CILP2: variants seen among roughly 807,000 people sequenced by gnomAD.
CILP2 encodes cartilage intermediate layer protein 2.
A neutral mutation model predicts 45.6 loss-of-function variants in CILP2; 38 were observed. The observed-to-expected ratio is 0.83, with a 90% confidence interval of 0.64 to 1.09. The LOEUF is 1.09. CILP2 is among the 50% of genes least tolerant of loss of function. CILP2 has a pLI of 0.00. For synonymous variants in CILP2, 780 were observed against 723.5 expected, an observed-to-expected ratio of 1.08 and a Z score of -1.25; for missense variants, 1,735 against 1,662.2, an observed-to-expected ratio of 1.04 and a Z score of -0.76.
chr19:19,544,027 G>C lies in CILP2; in HGVS notation c.1482G>C (p.Leu494=), dbSNP rs1486361959. ...AGCCGCTACGCTTCGCCAGGATTCT[G>C]CTGGGCCAGGAGCCCATCGGCTTCA... ...SGEPLRFARI[L]LGQEPIGFTA... is the part of the protein sequence containing the mutation. Residue 494 remains leucine, a synonymous_variant, in exon 8 of 8, where the codon CTG becomes CTC. Transcript: ENST00000291495. 1 of 1,613,858 alleles carries C rather than the reference G, an allele frequency of 6.2e-7. No homozygotes were observed. The highest frequency in any genetic ancestry group is 8.5e-7 in the Non-Finnish European group (1 of 1,179,928).
intron 2 of CILP2, 134 bp downstream of exon 2, chr19:19,539,911 C>A: frequency 1.3e-6 from 1 of 760,380 alleles, no homozygotes; most frequent in Non-Finnish European, 2.0e-6. Context: ...CCGGACATGA[C>A]AGCCCCTGGA....
In CILP2 at chr19:19,545,321, C is replaced by T. The variant is rs1443544535; in HGVS notation, c.2776C>T (p.Leu926Phe). 1.2e-6 allele frequency: 2 copies of T among 1,612,576 alleles called. No individual in the cohort carries two copies. The highest frequency in any genetic ancestry group is 2.7e-5 in the African/African-American group (2 of 74,934). ...CACACCTGCCTCCTGGACTGGCGAT[C>T]TCCTGGCCTGGTGGCCCAACCCGCA... ...EGTPASWTGD[L>F]LAWWPNPQEF... The change falls in exon 8 of 8, where the codon CTC becomes TTC. Residue 926 changes from leucine to phenylalanine, a missense_variant. Transcript: ENST00000291495.
At position 19,544,883 on chromosome 19, in the gene CILP2, C is replaced by T. The variant is rs2144679745; in HGVS notation, c.2338C>T (p.Arg780Cys). 1 of 1,589,824 alleles carries T rather than the reference C, an allele frequency of 6.3e-7. No individual in the cohort carries two copies. The highest frequency in any genetic ancestry group is 1.3e-5 in the African/African-American group (1 of 74,590). The change falls in exon 8 of 8, where the codon CGC becomes TGC. Residue 780 changes from arginine to cysteine, a missense_variant. By Grantham distance (180) the Arg-to-Cys change is radical. Transcript: ENST00000291495. The part of the protein sequence containing the change: ...GFSANPRAWG[R>C]FDSAVTGPNG... ...CTCCGCCAACCCCCGTGCCTGGGGCCGCTTTGACAGCGCGGTCACCGGCCC... is the reference window on the plus strand; with the variant it reads ...CTCCGCCAACCCCCGTGCCTGGGGCTGCTTTGACAGCGCGGTCACCGGCCC...
chr19:19,540,221 T>A lies in CILP2; in HGVS notation c.181T>A (p.Ser61Thr). The A allele has an allele frequency of 3.1e-6, 5 of 1,594,658 alleles. No homozygotes were observed. Among genetic ancestry groups the A allele is most frequent in the Non-Finnish European group, 4.3e-6 (5 of 1,173,582 alleles). The change falls in exon 3 of 8, where the codon TCC (serine) becomes ACC (threonine). Residue 61 changes from serine (S) to threonine (T), a missense_variant. Transcript: ENST00000291495. ...GCCCGCAGAGGCCAGCGAGTGGACGTCCTGGTTCAACGTGGACCACCCCGG... is the reference window on the plus strand; with the variant it reads ...GCCCGCAGAGGCCAGCGAGTGGACGACCTGGTTCAACGTGGACCACCCCGG... ...EDWEEASEWT[S>T]WFNVDHPGGD...
At position 19,543,882 on chromosome 19, in the gene CILP2, G is replaced by A. The variant is rs1284949271; in HGVS notation, c.1337G>A (p.Arg446Lys). The A allele has an allele frequency of 6.2e-7, 1 of 1,613,886 alleles. No individual in the cohort carries two copies. Among genetic ancestry groups the A allele is most frequent in the Admixed American group, 1.7e-5 (1 of 60,008 alleles). Residue 446 changes from arginine (R) to lysine (K), a missense_variant, in exon 8 of 8, where the codon AGG becomes AAG. Transcript: ENST00000291495. ...RCCSVRRLERREIHCPGYVLP... is the reference protein window; with the variant it reads ...RCCSVRRLERKEIHCPGYVLP... The stretch of plus-strand genomic sequence containing the variant: ...TGCTCTGTGCGCCGTCTGGAGAGAA[G>A]GGAGATTCACTGCCCTGGCTACGTC...
At position 19,539,579 on chromosome 19, in the gene CILP2, A is replaced by AGGG. The variant is rs1568368527; in HGVS notation, c.65-100_65-99insGGG. The AGGG allele has an allele frequency of 1.4e-4, 94 of 652,936 alleles. 1 individual carries two copies. In the African/African-American group the frequency reaches 1.8e-3, roughly 12 times the overall value. The allele number at this position is 652,936 out of a possible 1,614,324, so 40.4% of individuals were successfully genotyped here. A position where few individuals can be genotyped will look rare whatever the true frequency, so the allele number is the denominator to read the frequency against. ...ATTCCGTCTCAAAAAAAAAAAAAAA[A>AGGG]AGGGGGGGGATGATCGTGGCTGCAC... On this transcript the variant is annotated intron_variant, in intron 1 of 7. Coordinates refer to ENST00000291495, the MANE Select transcript of CILP2 (RefSeq NM_153221.2).
chr19:19,543,955 C>T lies in CILP2; in HGVS notation c.1410C>T (p.Pro470=). 1 of 1,613,390 alleles carries T rather than the reference C, an allele frequency of 6.2e-7. No individual in the cohort carries two copies. The highest frequency in any genetic ancestry group is 8.5e-7 in the Non-Finnish European group (1 of 1,179,662). ...AGTGTGGCTGCCAGAAGTGTCTGCC[C>T]CCTCGGGGGCTGGTCCGGGGCCGTG... ...VAECGCQKCL[P]PRGLVRGRVV... Residue 470 remains proline, a synonymous_variant, in exon 8 of 8, where the codon CCC becomes CCT. Coordinates refer to ENST00000291495, the MANE Select transcript of CILP2 (RefSeq NM_153221.2).
chr19:19,539,689 C>T lies in CILP2; in HGVS notation c.75C>T (p.Pro25=), dbSNP rs1414180176. The change falls in exon 2 of 8, where the codon CCC becomes CCT. Residue 25 remains proline, a synonymous_variant. Coordinates refer to ENST00000291495, the MANE Select transcript of CILP2 (RefSeq NM_153221.2). ...AHLAGARDAT[P]TEEPMATALG... ...ACTCCTCACCCACAGACGCCACCCC[C>T]ACCGAGGAGCCAATGGCGACTGCAC... 1.9e-6 allele frequency: 3 copies of T among 1,590,904 alleles called. No individual in the cohort carries two copies. The highest frequency in any genetic ancestry group is 1.7e-5 in the Admixed American group (1 of 58,158).
chr19:19,544,866 A>AC lies in CILP2; in HGVS notation c.2326dup (p.Arg776ProfsTer7). ...GAGCCCGCCCCCGGCTTCTCCGCCA[A>AC]CCCCCGTGCCTGGGGCCGCTTTGAC... On this transcript the variant is annotated frameshift_variant, in exon 8 of 8. Transcript: ENST00000291495. LOFTEE classifies it low-confidence loss of function (END_TRUNC). 3 of 1,593,468 alleles carry AC rather than the reference A, an allele frequency of 1.9e-6. No homozygotes were observed. The highest frequency in any genetic ancestry group is 2.5e-6 in the Non-Finnish European group (3 of 1,177,146).
chr19:19,539,597 G>A (rs2061236172), intron 1 of CILP2, 82 bp from the exon 2 acceptor site: 2 of 889,888 alleles, frequency 2.2e-6, no homozygotes, highest in Non-Finnish European at 3.3e-6. Context: ...GGATGATCGT[G>A]GCTGCACCTT....
At chr19:19,538,453 C>T in intron 1 of CILP2, 40 bp downstream of exon 1, 1 of 1,441,304 alleles carries the variant, frequency 6.9e-7, no homozygotes, top group Non-Finnish European at 9.1e-7. Context: ...CCCTGAGGCT[C>T]CCGAGGGCCT....
In CILP2 at chr19:19,543,826, C is replaced by T. The variant is rs1299404135; in HGVS notation, c.1281C>T (p.Ser427=). ...GCTGCCCCAGCCTGGCAGGCTCCAGCCCCCGCTGCGGGGACGCCAGCTCCC... is the reference window on the plus strand; with the variant it reads ...GCTGCCCCAGCCTGGCAGGCTCCAGTCCCCGCTGCGGGGACGCCAGCTCCC... The part of the protein sequence containing the change: ...DTRCPSLAGS[S]PRCGDASSRC... Residue 427 remains serine (S), a synonymous_variant, in exon 8 of 8, where the codon AGC becomes AGT. Coordinates refer to ENST00000291495, the MANE Select transcript of CILP2 (RefSeq NM_153221.2). 1.9e-6 allele frequency: 3 copies of T among 1,613,678 alleles called. No homozygotes were observed. The highest frequency in any genetic ancestry group is 2.5e-6 in the Non-Finnish European group (3 of 1,179,886).
At chr19:19,540,979 G>A in intron 3 of CILP2, 112 bp from the exon 4 acceptor site, 1 of 1,002,910 alleles carries the variant, frequency 1.0e-6, no homozygotes, top group Non-Finnish European at 1.3e-6. Context: ...GTCCGCCCTT[G>A]GATGCACATA....
In CILP2 at chr19:19,544,474, C is replaced by T; in HGVS notation, c.1929C>T (p.Phe643=). 1 of 1,607,046 alleles carries T rather than the reference C, an allele frequency of 6.2e-7. No homozygotes were observed. The highest frequency in any genetic ancestry group is 8.5e-7 in the Non-Finnish European group (1 of 1,179,292). ...ELAPLRTYGM[F]SVDLRAPGSA... ...CTCCACTGCGCACCTACGGCATGTT[C>T]TCCGTGGACCTCCGTGCGCCCGGCT... Residue 643 remains phenylalanine (F), a synonymous_variant, in exon 8 of 8, where the codon TTC becomes TTT. Coordinates refer to ENST00000291495, the MANE Select transcript of CILP2 (RefSeq NM_153221.2).
At position 19,539,572 on chromosome 19, in the gene CILP2, A is replaced by AT; in HGVS notation, c.65-107_65-106insT. 4.3e-6 allele frequency: 3 copies of AT among 701,890 alleles called. No individual in the cohort carries two copies. In the South Asian group the frequency reaches 8.8e-5, roughly 21 times the overall value. 43.5% of individuals were successfully genotyped at this position (701,890 alleles called of 1,614,324 possible). A position where few individuals can be genotyped will look rare whatever the true frequency, so the allele number is the denominator to read the frequency against. ...GAGGGAGATTCCGTCTCAAAAAAAA[A>AT]AAAAAAAAGGGGGGGGATGATCGTG... On this transcript the variant is annotated intron_variant, in intron 1 of 7. Transcript: ENST00000291495.
At position 19,540,576 on chromosome 19, in the gene CILP2, G is replaced by C. The variant is rs1193398813; in HGVS notation, c.436+100G>C. ...GGGTGGGGCTGGGAGGGGCAGGACC[G>C]TGTGGGTGTGGGCGTGGCTGGGAAG... On this transcript the variant is annotated intron_variant, in intron 3 of 7. Transcript: ENST00000291495. 5 of 1,178,136 alleles carry C rather than the reference G, an allele frequency of 4.2e-6. No individual in the cohort carries two copies. In the South Asian group the frequency reaches 7.5e-5, roughly 18 times the overall value. The allele number at this position is 1,178,136 out of a possible 1,614,324, so 73.0% of individuals were successfully genotyped here.
At chr19:19,541,640 C>T (rs1447229608) in intron 4 of CILP2, among the ~76,000 whole-genome samples, 1 of 152,288 alleles carries the variant, frequency 6.6e-6, no homozygotes, top group South Asian at 2.1e-4. Flanking sequence ...GTACAGATGT[C>T]TTCGTGGGGA....
At position 19,541,247 on chromosome 19, in the gene CILP2, G is replaced by A; in HGVS notation, c.592+1G>A. Reference sequence around the variant, plus strand: ...AAGTGCGTGCGGCCTCGGTGTCCAGGTAGGAGGGGCGGGGTCTGGAGGCTG... The same window carrying A: ...AAGTGCGTGCGGCCTCGGTGTCCAGATAGGAGGGGCGGGGTCTGGAGGCTG... On this transcript the variant is annotated splice_donor_variant, in intron 4 of 7. Coordinates refer to ENST00000291495, the MANE Select transcript of CILP2 (RefSeq NM_153221.2). LOFTEE classifies it high-confidence loss of function. 1 of 1,289,014 alleles carries A rather than the reference G, an allele frequency of 7.8e-7. No homozygotes were observed. The highest frequency in any genetic ancestry group is 9.8e-7 in the Non-Finnish European group (1 of 1,016,958). The allele number at this position is 1,289,014 out of a possible 1,614,324, so 79.8% of individuals were successfully genotyped here.
At position 19,539,580 on chromosome 19, in the gene CILP2, A is replaced by AAG. The variant is rs61235376; in HGVS notation, c.65-99_65-98insAG. 2.4e-3 allele frequency: 1,318 copies of AAG among 554,128 alleles called. 12 individuals are homozygous for AAG. Among genetic ancestry groups the AAG allele is most frequent in the Admixed American group, 7.6e-3 (202 of 26,696 alleles). The allele number at this position is 554,128 out of a possible 1,614,324, so 34.3% of individuals were successfully genotyped here. A position where few individuals can be genotyped will look rare whatever the true frequency, so the allele number is the denominator to read the frequency against. On this transcript the variant is annotated intron_variant, in intron 1 of 7. Transcript: ENST00000291495. Reference sequence around the variant, plus strand: ...TTCCGTCTCAAAAAAAAAAAAAAAAAGGGGGGGGATGATCGTGGCTGCACC... The same window carrying AAG: ...TTCCGTCTCAAAAAAAAAAAAAAAAAAGGGGGGGGGATGATCGTGGCTGCACC...
Sources: allele counts gnomAD v4.1 joint callset (sites outside exome capture counted in the v4.1 genomes callset), GRCh38; gene constraint gnomAD v4.1.1; transcripts MANE v1.5; gene names NCBI Gene and HGNC (gene_info 2026-07-23, HGNC 2026-07-21).